MGAT4C: variants seen among roughly 807,000 people sequenced by gnomAD.
MGAT4C encodes the protein MGAT4 family member C.
MGAT4C carries 19 observed loss-of-function variants against 40.1 expected under a neutral mutation model. The ratio of observed to expected loss-of-function variants is 0.47; its 90% CI spans 0.33 to 0.70. The LOEUF is 0.70. Ranked by LOEUF, MGAT4C falls within the 30% of genes least tolerant of loss-of-function variation. The pLI is 0.02. For missense variants in MGAT4C, 491 were observed against 563.2 expected, an observed-to-expected ratio of 0.87 and a Z score of 1.30; for synonymous variants, 181 against 187.1, an observed-to-expected ratio of 0.97 and a Z score of 0.27.
In MGAT4C at chr12:85,959,051, ACAATAC is replaced by A. The variant is rs1882973489; in HGVS notation, c.*20232_*20237del. 2.0e-5 allele frequency: 3 copies of A among 151,744 alleles called. No homozygotes were observed. The South Asian group carries it at 6.2e-4, about 32-fold the overall frequency. 9.4% of individuals were successfully genotyped at this position (151,744 alleles called of 1,614,324 possible). On this transcript the variant is annotated 3_prime_UTR_variant, in exon 5 of 5. Coordinates refer to ENST00000611864, the MANE Select transcript of MGAT4C (RefSeq NM_001351288.2). ...ACAATACAATACAATACAATACAATACAATACAATACAATACAATACAATACAATAC... is the reference window on the plus strand; with the variant it reads ...ACAATACAATACAATACAATACAATAAATACAATACAATACAATACAATAC...
At chr12:86,585,714 C>T (rs948931638) in intron 2 of MGAT4C, among the ~76,000 whole-genome samples, 1 of 143,618 alleles carries the variant, frequency 7.0e-6, no homozygotes, top group African/African-American at 2.5e-5. Context: ...CCCAAATAGG[C>T]TCCATGTTTT....
At chr12:86,816,564 G>T (rs1952611310) in intron 1 of MGAT4C, among the ~76,000 whole-genome samples, 1 of 151,514 alleles carries the variant, frequency 6.6e-6, no homozygotes, top group East Asian at 1.9e-4. Context: ...AAGTGTTCTA[G>T]AAATTTGTCA....
At chr12:86,796,691 CA>C (rs774394718) in intron 1 of MGAT4C, among the ~76,000 whole-genome samples, 8 of 151,726 alleles carry the variant, frequency 5.3e-5, no homozygotes, top group Non-Finnish European at 8.8e-5. Context: ...GTTGTCAGCA[CA>C]AAAATGGTAA....
At chr12:86,730,726 A>T (rs2136119634) in intron 1 of MGAT4C, among the ~76,000 whole-genome samples, 1 of 152,276 alleles carries the variant, frequency 6.6e-6, no homozygotes, top group Middle Eastern at 3.4e-3. Context: ...AGTAGAAATT[A>T]GGTTCTGCAC....
chr12:86,789,042 G>T (rs1951980458), intron 1 of MGAT4C, among the ~76,000 whole-genome samples: 2 of 152,024 alleles, frequency 1.3e-5, no homozygotes, highest in African/African-American at 4.8e-5. Context: ...TCCTGAAATA[G>T]TATAAAAGGT....
chr12:86,054,602 T>G (rs1893210649), intron 1 of MGAT4C, among the ~76,000 whole-genome samples: 1 of 152,044 alleles, frequency 6.6e-6, no homozygotes, highest in Non-Finnish European at 1.5e-5. Flanking sequence ...AATGCATATG[T>G]TAATTAGCTC....
intron 1 of MGAT4C, among the ~76,000 whole-genome samples, chr12:86,165,013 A>G (rs183339478): frequency 2.6e-5 from 4 of 152,192 alleles, no homozygotes; most frequent in Admixed American, 6.5e-5. Flanking sequence ...TAAAATGAGT[A>G]GTCCATTCAG....
At chr12:86,307,294 A>C (rs1592677192) in intron 4 of MGAT4C, among the ~76,000 whole-genome samples, 1 of 150,734 alleles carries the variant, frequency 6.6e-6, no homozygotes, top group South Asian at 2.1e-4. Context: ...ATTAACTAGC[A>C]GCATTGGCAT....
intron 2 of MGAT4C, among the ~76,000 whole-genome samples, chr12:86,548,976 C>A (rs1024134487): frequency 6.6e-6 from 1 of 152,122 alleles, no homozygotes; most frequent in East Asian, 1.9e-4. Context: ...TTTATTAATT[C>A]TTTCATCTGT....
chr12:86,548,060 A>T (rs1055184047), intron 2 of MGAT4C, among the ~76,000 whole-genome samples: 1 of 152,150 alleles, frequency 6.6e-6, no homozygotes, highest in Admixed American at 6.5e-5. Flanking sequence ...ATACATACAT[A>T]TGCACATGCA....
chr12:86,097,265 T>C (rs1305257033), intron 1 of MGAT4C, among the ~76,000 whole-genome samples: 1 of 151,614 alleles, frequency 6.6e-6, no homozygotes, highest in African/African-American at 2.4e-5. Context: ...GCAAGAACCA[T>C]TGATAAGAGG....
intron 3 of MGAT4C, among the ~76,000 whole-genome samples, chr12:86,346,300 C>CT (rs1233854364): frequency 6.6e-6 from 1 of 152,180 alleles, no homozygotes; most frequent in African/African-American, 2.4e-5. Flanking sequence ...TCTCAGCTCA[C>CT]TGCAACCTCT....
intron 2 of MGAT4C, among the ~76,000 whole-genome samples, chr12:86,448,948 T>A (rs2136285279): frequency 6.6e-6 from 1 of 152,300 alleles, no homozygotes; most frequent in Non-Finnish European, 1.5e-5. Flanking sequence ...CTTCAGATCT[T>A]TATCATTGAG....
At chr12:86,831,019 C>G (rs539218819) in intron 1 of MGAT4C, among the ~76,000 whole-genome samples, 25 of 151,830 alleles carry the variant, frequency 1.6e-4, no homozygotes, top group Non-Finnish European at 2.8e-4. Context: ...AACTCAAATG[C>G]TCAGAAAGTT....
chr12:86,070,089 A>T (rs1340919908), intron 1 of MGAT4C, among the ~76,000 whole-genome samples: 5 of 142,440 alleles, frequency 3.5e-5, no homozygotes, highest in Admixed American at 7.1e-5. Flanking sequence ...TTTGCATTGG[A>T]TTTTTTTTTT....
At chr12:86,320,524 A>T (rs897941254) in intron 4 of MGAT4C, among the ~76,000 whole-genome samples, 2 of 152,150 alleles carry the variant, frequency 1.3e-5, no homozygotes, top group Admixed American at 1.3e-4. Context: ...GCCATGTACC[A>T]AAAACTGTGC....
chr12:86,296,394 A>AGC (rs1953677343), intron 4 of MGAT4C, among the ~76,000 whole-genome samples: 1 of 152,174 alleles, frequency 6.6e-6, no homozygotes, highest in Non-Finnish European at 1.5e-5. Flanking sequence ...GTCCCGTGCC[A>AGC]TGCGCTCGCA....
intron 2 of MGAT4C, among the ~76,000 whole-genome samples, chr12:86,549,554 G>T (rs1959246449): frequency 6.6e-6 from 1 of 152,132 alleles, no homozygotes; most frequent in Admixed American, 6.5e-5. Context: ...CTATTGGAAA[G>T]ACTGTTTTGT....
chr12:86,659,929 T>TAA (rs368852172), intron 2 of MGAT4C, among the ~76,000 whole-genome samples: 2 of 138,200 alleles, frequency 1.4e-5, no homozygotes, highest in African/African-American at 2.6e-5. Context: ...GCAGGGTGAT[T>TAA]AAAAAAAAAA....
Sources: allele counts gnomAD v4.1 joint callset (sites outside exome capture counted in the v4.1 genomes callset), GRCh38; gene constraint gnomAD v4.1.1; transcripts MANE v1.5; gene names NCBI Gene and HGNC (gene_info 2026-07-23, HGNC 2026-07-21).